Variants in CDH4 observed in about 807,000 individuals in gnomAD.
CDH4 encodes cadherin-4.
In CDH4, 33 loss-of-function variants were observed where a neutral mutation model predicts 86.0. That is an observed-to-expected ratio of 0.38 (90% CI 0.29 to 0.51). The LOEUF is 0.51. Among genes scored for constraint, CDH4 ranks in the 20% least tolerant of loss-of-function variants. CDH4 has a pLI of 0.86. For synonymous variants in CDH4, 555 were observed against 549.4 expected (o/e 1.01, Z -0.14); for missense variants, 1,114 against 1,307.4 (o/e 0.85, Z 2.28).
At chr20:61,781,312 C>T (rs1404590303) in intron 4 of CDH4, among the ~76,000 whole-genome samples, 1 of 151,894 alleles carries the variant, frequency 6.6e-6, no homozygotes, top group Non-Finnish European at 1.5e-5. Flanking sequence ...CCCAGGAACC[C>T]TGAGATCACC....
At chr20:61,666,541 C>T (rs552121746) in intron 2 of CDH4, among the ~76,000 whole-genome samples, 8 of 152,266 alleles carry the variant, frequency 5.3e-5, no homozygotes, top group South Asian at 2.1e-4. Context: ...TGATGCTGGC[C>T]GAGGTCCACT....
chr20:61,601,651 G>A (rs183679275), intron 2 of CDH4, among the ~76,000 whole-genome samples: 1 of 152,212 alleles, frequency 6.6e-6, no homozygotes, highest in South Asian at 2.1e-4. Context: ...GGGAGGGAAG[G>A]CAGAGACTGG....
intron 2 of CDH4, among the ~76,000 whole-genome samples, chr20:61,627,242 G>A (rs930348565): frequency 9.9e-5 from 15 of 152,194 alleles, no homozygotes; most frequent in East Asian, 3.9e-4. Flanking sequence ...CCAGGGAACC[G>A]TCTGCTGGAA....
intron 4 of CDH4, among the ~76,000 whole-genome samples, chr20:61,781,002 C>T (rs769102716): frequency 1.1e-4 from 16 of 152,162 alleles, no homozygotes; most frequent in Non-Finnish European, 1.0e-4. Flanking sequence ...CTGCCCAGAT[C>T]CTTGGCTGCC....
intron 2 of CDH4, among the ~76,000 whole-genome samples, chr20:61,720,087 G>T (rs138390791): frequency 0.019 from 2,897 of 152,238 alleles, 98 homozygotes; most frequent in African/African-American, 0.064. Flanking sequence ...GGCGGTGGGG[G>T]TTGGGGAGTG....
At chr20:61,872,122 G>A (rs977074333) in intron 6 of CDH4, among the ~76,000 whole-genome samples, 36 of 152,212 alleles carry the variant, frequency 2.4e-4, no homozygotes, top group Admixed American at 2.4e-3. Context: ...CCTGCCTCCT[G>A]AGCATGAGGC....
intron 1 of CDH4, among the ~76,000 whole-genome samples, chr20:61,253,765 G>A (rs907825774): frequency 2.6e-5 from 4 of 152,166 alleles, no homozygotes. Context: ...GCCGGCGTCG[G>A]GAAGCCTGGA....
At chr20:61,527,192 CT>C (rs2085917284) in intron 2 of CDH4, among the ~76,000 whole-genome samples, 3 of 152,262 alleles carry the variant, frequency 2.0e-5, no homozygotes, top group South Asian at 4.1e-4. Context: ...CCAGGCGCCC[CT>C]GGCACCCTCC....
At chr20:61,326,331 A>T (rs2084536831) in intron 2 of CDH4, among the ~76,000 whole-genome samples, 2 of 152,248 alleles carry the variant, frequency 1.3e-5, no homozygotes, top group Non-Finnish European at 2.9e-5. Context: ...TTAAAAAATA[A>T]GCATAAGAGG....
intron 2 of CDH4, among the ~76,000 whole-genome samples, chr20:61,354,809 A>G (rs917154653): frequency 3.3e-5 from 5 of 152,230 alleles, no homozygotes; most frequent in Middle Eastern, 3.4e-3. Flanking sequence ...TCACACTGTC[A>G]TGTTGCTGGA....
At chr20:61,750,326 T>A (rs1159411586) in intron 3 of CDH4, among the ~76,000 whole-genome samples, 4 of 152,178 alleles carry the variant, frequency 2.6e-5, no homozygotes, top group African/African-American at 7.2e-5. Flanking sequence ...GTCAGAAAGA[T>A]CATTTGGGGA....
chr20:61,889,900 GGATA>G (rs1274990840), intron 7 of CDH4, among the ~76,000 whole-genome samples: 25 of 143,520 alleles, frequency 1.7e-4, no homozygotes, highest in African/African-American at 5.7e-4. Context: ...ATGGATGGAT[GGATA>G]GATGATGGAT....
chr20:61,274,240 A>G (rs1329466067), intron 2 of CDH4, among the ~76,000 whole-genome samples: 1 of 124,730 alleles, frequency 8.0e-6, no homozygotes, highest in East Asian at 2.6e-4. Context: ...TTGGGAGAGT[A>G]CCATGTACAG....
chr20:61,915,351 A>C (rs1228513988), intron 9 of CDH4, among the ~76,000 whole-genome samples: 1 of 152,218 alleles, frequency 6.6e-6, no homozygotes, highest in African/African-American at 2.4e-5. Flanking sequence ...CTTCCAGGGC[A>C]TCCTGGCAAG....
intron 7 of CDH4, among the ~76,000 whole-genome samples, chr20:61,877,040 G>A (rs1408965280): frequency 6.6e-6 from 1 of 152,134 alleles, no homozygotes; most frequent in Non-Finnish European, 1.5e-5. Context: ...CGACCCCCTG[G>A]GGTTCCCCCA....
At chr20:61,556,853 C>T (rs1032459470) in intron 2 of CDH4, among the ~76,000 whole-genome samples, 5 of 152,088 alleles carry the variant, frequency 3.3e-5, no homozygotes, top group African/African-American at 1.2e-4. Flanking sequence ...CGTCCTCCGA[C>T]CACAACTCCG....
chr20:61,373,210 C>G (rs945762717), intron 2 of CDH4, among the ~76,000 whole-genome samples: 4 of 152,108 alleles, frequency 2.6e-5, no homozygotes, highest in Non-Finnish European at 5.9e-5. Flanking sequence ...CCTGCCGGCC[C>G]CGTAGCCTGG....
At chr20:61,418,460 C>T (rs1288207260) in intron 2 of CDH4, among the ~76,000 whole-genome samples, 1 of 152,170 alleles carries the variant, frequency 6.6e-6, no homozygotes, top group Non-Finnish European at 1.5e-5. Context: ...ATCTGCCCGC[C>T]TCAGCCTCCC....
intron 2 of CDH4, among the ~76,000 whole-genome samples, chr20:61,312,252 GTA>G (rs1275586653): frequency 4.6e-5 from 7 of 150,868 alleles, no homozygotes; most frequent in Admixed American, 4.6e-4. Flanking sequence ...TGGTGTGTGT[GTA>G]TATGTGTGTA....
Sources: gnomAD v4.1 joint callset for allele counts (sites outside exome capture counted in the v4.1 genomes callset) on GRCh38, gnomAD v4.1.1 for gene constraint, MANE v1.5 for transcripts, NCBI Gene and HGNC (gene_info 2026-07-23, HGNC 2026-07-21) for gene names.